The following CYREN variants were observed in gnomAD, a reference collection of about 807,000 sequenced individuals.
The protein encoded by CYREN is cell cycle regulator of NHEJ.
In CYREN, 7 loss-of-function variants were observed where a neutral mutation model predicts 9.7. The observed-to-expected ratio is 0.72, with a 90% CI of 0.41 to 1.36. CYREN has a LOEUF of 1.36. Ranked by LOEUF, CYREN falls within the 40% of genes most tolerant of loss-of-function variation. The pLI, the probability that CYREN is intolerant of heterozygous loss-of-function variation, is 0.01. For missense variants in CYREN, 215 were observed against 198.1 expected (o/e 1.09, Z -0.51); for synonymous variants, 76 against 77.9 (o/e 0.98, Z 0.13).
At chr7:135,163,552 G>A (rs1434830258), downstream of CYREN, among the ~76,000 whole-genome samples, 1 of 152,178 alleles carries the variant, frequency 6.6e-6, no homozygotes, top group East Asian at 1.9e-4. Flanking sequence ...GGCTGAGGCA[G>A]GAGACTTGCT....
chr7:135,147,667 G>A, intron 2 of CYREN: 1 of 421,892 alleles, frequency 2.4e-6, no homozygotes, highest in Non-Finnish European at 4.7e-6. Context: ...TCTAAAAGGG[G>A]TTGGGGGACA....
intron 2 of CYREN, chr7:135,134,727 A>G: frequency 1.0e-6 from 1 of 995,948 alleles, no homozygotes; most frequent in Non-Finnish European, 1.4e-6. Context: ...TTAAACTTTA[A>G]GAAGTTATGA....
Position 135,166,369 on chromosome 7 carries a change from T to C in CYREN, c.*242A>G. 2.0e-6 allele frequency: 1 copy of C among 511,350 alleles called. No homozygotes were observed. Among genetic ancestry groups the C allele is most frequent in the Non-Finnish European group, 3.4e-6 (1 of 292,006 alleles). 31.7% of individuals were successfully genotyped at this position (511,350 alleles called of 1,614,324 possible). The stretch of plus-strand genomic sequence containing the variant: ...AAGAGCCAGGAGAGGGCACAGTACA[T>C]ACAGAGGGAGTCAAATGGGATCTCA... On this transcript the variant is annotated 3_prime_UTR_variant, in exon 4 of 4. Transcript: ENST00000393114.
chr7:135,104,229 C>T (rs965258394), intron 2 of CYREN, among the ~76,000 whole-genome samples: 1 of 152,142 alleles, frequency 6.6e-6, no homozygotes, highest in African/African-American at 2.4e-5. Context: ...CATCCATGTT[C>T]CTGCATAGGA....
chr7:135,166,751 C>G lies in CYREN; in HGVS notation c.334G>C (p.Asp112His), dbSNP rs759911160. The G allele has an allele frequency of 7.9e-5, 128 of 1,614,012 alleles. No individual in the cohort carries two copies. The highest frequency in any genetic ancestry group is 1.0e-4 in the Non-Finnish European group (122 of 1,180,056). The change falls in exon 4 of 4, where the codon GAC (aspartate) becomes CAC (histidine). Residue 112 changes from aspartate to histidine, a missense_variant. Asp to His is a moderately conservative substitution (Grantham distance 81). Coordinates refer to ENST00000393114, the MANE Select transcript of CYREN (RefSeq NM_024033.4). ...GGAGCCAGTGCCTGTTTCCCACTGT[C>G]CTCTTCCTCACTGCTGCTCCCAGAA... ...TSSGSSSEEEDSGKQALAPGL... is the reference protein window; with the variant it reads ...TSSGSSSEEEHSGKQALAPGL...
chr7:135,105,890 T>C (rs1824638237), intron 2 of CYREN, among the ~76,000 whole-genome samples: 1 of 152,198 alleles, frequency 6.6e-6, no homozygotes, highest in South Asian at 2.1e-4. Context: ...GTTCCATTTG[T>C]TTATGTCACT....
At chr7:135,140,070 T>A (rs1055205317) in intron 2 of CYREN, among the ~76,000 whole-genome samples, 1 of 121,150 alleles carries the variant, frequency 8.3e-6, no homozygotes, top group African/African-American at 2.9e-5. Context: ...CACATGAATT[T>A]TAGAATAGTT....
intron 2 of CYREN, among the ~76,000 whole-genome samples, chr7:135,119,497 T>C: frequency 6.6e-6 from 1 of 151,566 alleles, no homozygotes; most frequent in Non-Finnish European, 1.5e-5. Flanking sequence ...CCCAAAGTGC[T>C]GGGATTACAG....
intron 2 of CYREN, among the ~76,000 whole-genome samples, chr7:135,148,676 AAC>A (rs1401829332): frequency 6.6e-6 from 1 of 152,206 alleles, no homozygotes; most frequent in Admixed American, 6.5e-5. Context: ...ACACTAACTA[AAC>A]CACTATTCAA....
At chr7:135,112,120 A>C (rs187939416) in intron 2 of CYREN, among the ~76,000 whole-genome samples, 1 of 152,306 alleles carries the variant, frequency 6.6e-6, no homozygotes, top group East Asian at 1.9e-4. Context: ...CTACCTCTAA[A>C]GATTCTCTTG....
chr7:135,103,891 AT>A (rs776428653), intron 2 of CYREN, among the ~76,000 whole-genome samples: 3 of 151,762 alleles, frequency 2.0e-5, no homozygotes, highest in Non-Finnish European at 4.4e-5. Flanking sequence ...TTTTTTTTTA[AT>A]GTAAGGATGT....
At chr7:135,125,830 G>A (rs1230968546) in intron 2 of CYREN, among the ~76,000 whole-genome samples, 1 of 152,124 alleles carries the variant, frequency 6.6e-6, no homozygotes, top group Non-Finnish European at 1.5e-5. Flanking sequence ...AAAGAGTTTT[G>A]ATAAAATTCA....
At chr7:135,113,912 A>G (rs1267742455) in intron 2 of CYREN, among the ~76,000 whole-genome samples, 3 of 152,192 alleles carry the variant, frequency 2.0e-5, no homozygotes, top group Admixed American at 6.5e-5. Flanking sequence ...ATTCTAGTCA[A>G]ATTAGGAAGT....
intron 2 of CYREN, among the ~76,000 whole-genome samples, chr7:135,160,669 A>G (rs917376752): frequency 8.6e-5 from 13 of 151,572 alleles, no homozygotes; most frequent in Non-Finnish European, 5.9e-5. Context: ...CTGTCCTAAG[A>G]TGTGTAACCA....
chr7:135,162,270 C>T (rs551721214), downstream of CYREN, among the ~76,000 whole-genome samples: 1 of 152,298 alleles, frequency 6.6e-6, no homozygotes, highest in East Asian at 1.9e-4. Context: ...CAGGTCCCTT[C>T]CCAGGGCCAC....
At chr7:135,171,522 G>A (rs1433364601), upstream of CYREN, among the ~76,000 whole-genome samples, 2 of 121,590 alleles carry the variant, frequency 1.6e-5, no homozygotes, top group African/African-American at 2.9e-5. Flanking sequence ...CCTGACCATC[G>A]GTGCATGCAG....
intron 2 of CYREN, among the ~76,000 whole-genome samples, chr7:135,104,063 C>T (rs1486010273): frequency 6.6e-6 from 1 of 152,134 alleles, no homozygotes; most frequent in African/African-American, 2.4e-5. Flanking sequence ...CCTCTCCCTC[C>T]TCCCACCCTT....
chr7:135,144,391 G>T (rs1829505334), intron 2 of CYREN, among the ~76,000 whole-genome samples: 1 of 152,144 alleles, frequency 6.6e-6, no homozygotes, highest in South Asian at 2.1e-4. Flanking sequence ...CTCTGAAGCT[G>T]TCCTCAAGTA....
intron 2 of CYREN, among the ~76,000 whole-genome samples, chr7:135,113,291 TAAAC>T (rs1184620136): frequency 6.6e-6 from 1 of 152,180 alleles, no homozygotes; most frequent in Non-Finnish European, 1.5e-5. Flanking sequence ...TTTTCAAACA[TAAAC>T]AAAAGTAGAA....
Sources: gnomAD v4.1 joint callset for allele counts (sites outside exome capture counted in the v4.1 genomes callset) on GRCh38, gnomAD v4.1.1 for gene constraint, MANE v1.5 for transcripts, NCBI Gene and HGNC (gene_info 2026-07-23, HGNC 2026-07-21) for gene names.